The following GYPC variants were observed in gnomAD, a reference collection of about 807,000 sequenced individuals.
The protein encoded by GYPC is glycophorin C (Gerbich blood group), also known as glycophorin-C.
GYPC carries 14 observed loss-of-function variants against 12.6 expected under a neutral mutation model. The ratio of observed to expected loss-of-function variants is 1.11; its 90% CI spans 0.74 to 1.74. The LOEUF (loss-of-function observed/expected upper bound fraction) is 1.74. Ranked by LOEUF, GYPC falls within the 40% of genes most tolerant of loss-of-function variation. GYPC has a pLI of 0.00. For missense variants in GYPC, 225 were observed against 172.1 expected (o/e 1.31, Z -1.72); for synonymous variants, 78 against 62.1 (o/e 1.26, Z -1.20).
chr2:126,690,818 G>C (rs1325634939), intron 2 of GYPC, among the ~76,000 whole-genome samples: 1 of 152,080 alleles, frequency 6.6e-6, no homozygotes, highest in African/African-American at 2.4e-5. Context: ...GCTCCCCATG[G>C]GTCATGGCTG....
intron 1 of GYPC, among the ~76,000 whole-genome samples, chr2:126,662,807 G>T (rs13008527): frequency 6.6e-6 from 1 of 152,092 alleles, no homozygotes; most frequent in African/African-American, 2.4e-5. Context: ...CCTGGTATGT[G>T]CTCATAATTG....
chr2:126,686,441 G>A (rs1683291091), intron 1 of GYPC: 2 of 985,372 alleles, frequency 2.0e-6, no homozygotes, highest in East Asian at 1.1e-4. Context: ...AGGAATGACT[G>A]TAGCCAATGG....
intron 1 of GYPC, among the ~76,000 whole-genome samples, chr2:126,666,796 T>A (rs1331367608): frequency 6.9e-6 from 1 of 145,550 alleles, no homozygotes; most frequent in African/African-American, 2.5e-5. Flanking sequence ...CATTTCTTCC[T>A]ACACACCATC....
intron 1 of GYPC, among the ~76,000 whole-genome samples, chr2:126,680,949 G>A (rs1230994322): frequency 6.6e-6 from 1 of 152,210 alleles, no homozygotes; most frequent in Non-Finnish European, 1.5e-5. Context: ...CCTGGAGCAA[G>A]GCGGGCAGGT....
At chr2:126,666,708 TACACACACACACACACACACACACAC>T (rs67904410) in intron 1 of GYPC, among the ~76,000 whole-genome samples, 145 of 118,544 alleles carry the variant, frequency 1.2e-3, no homozygotes, top group Non-Finnish European at 2.3e-3. Flanking sequence ...CCTCCCTCCC[TACACACACACACACACACACACACAC>T]ACACACACAC....
chr2:126,667,521 A>G (rs1466238716), intron 1 of GYPC, among the ~76,000 whole-genome samples: 1 of 150,150 alleles, frequency 6.7e-6, no homozygotes, highest in Non-Finnish European at 1.5e-5. Context: ...CTCCTGCCTT[A>G]GCCTCCCGAG....
chr2:126,658,790 T>C (rs184798344), intron 1 of GYPC: 7 of 152,372 alleles, frequency 4.6e-5, no homozygotes, highest in Admixed American at 6.5e-5. Flanking sequence ...TTGTTTTTTT[T>C]CCATCAGAAT....
intron 1 of GYPC, among the ~76,000 whole-genome samples, chr2:126,684,042 G>C (rs1332436336): frequency 6.6e-6 from 1 of 152,174 alleles, no homozygotes; most frequent in East Asian, 1.9e-4. Context: ...CAGCAGATAA[G>C]ACCGGATAAG....
At chr2:126,694,854 C>A (rs10174393) in intron 3 of GYPC, among the ~76,000 whole-genome samples, 2 of 150,414 alleles carry the variant, frequency 1.3e-5, no homozygotes, top group African/African-American at 2.5e-5. Context: ...TCAAAACACC[C>A]CCACCCCATG....
intron 3 of GYPC, among the ~76,000 whole-genome samples, chr2:126,694,210 C>G (rs111910826): frequency 6.6e-6 from 1 of 152,112 alleles, no homozygotes; most frequent in Non-Finnish European, 1.5e-5. Context: ...GCTGGAGAGG[C>G]AGCAGTTTTG....
intron 1 of GYPC, among the ~76,000 whole-genome samples, chr2:126,676,508 A>T (rs1234061201): frequency 6.6e-6 from 1 of 152,226 alleles, no homozygotes; most frequent in Non-Finnish European, 1.5e-5. Context: ...TGCATTTATC[A>T]CTTTCTATGA....
chr2:126,681,108 CAT>C (rs1182486302), intron 1 of GYPC, among the ~76,000 whole-genome samples: 1 of 152,198 alleles, frequency 6.6e-6, no homozygotes, highest in Non-Finnish European at 1.5e-5. Flanking sequence ...TACAGACAGC[CAT>C]ATGTTAGAAG....
At chr2:126,663,124 G>T (rs550552200) in intron 1 of GYPC, among the ~76,000 whole-genome samples, 1 of 152,124 alleles carries the variant, frequency 6.6e-6, no homozygotes, top group African/African-American at 2.4e-5. Context: ...TGCAACCTCC[G>T]ACTCCCTGGT....
intron 1 of GYPC, chr2:126,685,726 T>C: frequency 2.1e-6 from 2 of 956,228 alleles, no homozygotes; most frequent in Non-Finnish European, 2.5e-6. Flanking sequence ...TTCCTCGCAA[T>C]TGAACACTCC....
chr2:126,677,499 G>GTA (rs1683032637), intron 1 of GYPC, among the ~76,000 whole-genome samples: 2 of 132,618 alleles, frequency 1.5e-5, no homozygotes. Context: ...CTGAGTGTGT[G>GTA]TATGAGAGTG....
intron 2 of GYPC, 47 bp downstream of exon 2, chr2:126,690,358 T>A (rs770762171): frequency 1.5e-6 from 2 of 1,358,676 alleles, no homozygotes; most frequent in African/African-American, 2.9e-5. Context: ...CTGCCGTGAC[T>A]TCAGATGAGC....
intron 1 of GYPC, chr2:126,685,783 C>T: frequency 1.0e-6 from 1 of 985,164 alleles, no homozygotes; most frequent in Non-Finnish European, 1.2e-6. Flanking sequence ...GTCAACGTTG[C>T]TGTTGCTGCT....
At chr2:126,686,406 C>T (rs1683290361) in intron 1 of GYPC, 3 of 985,644 alleles carry the variant, frequency 3.0e-6, no homozygotes, top group Non-Finnish European at 2.4e-6. Context: ...GGACAGCTGA[C>T]ATCCTGAGGA....
chr2:126,666,966 C>A (rs1682700409), intron 1 of GYPC, among the ~76,000 whole-genome samples: 1 of 152,194 alleles, frequency 6.6e-6, no homozygotes, highest in Non-Finnish European at 1.5e-5. Context: ...CCTACAACAT[C>A]TTTTGGCCTT....
Sources: allele counts gnomAD v4.1 joint callset (sites outside exome capture counted in the v4.1 genomes callset), GRCh38; gene constraint gnomAD v4.1.1; transcripts MANE v1.5; gene names NCBI Gene and HGNC (gene_info 2026-07-23, HGNC 2026-07-21).